KCNK10: variants seen among roughly 807,000 people sequenced by gnomAD.
KCNK10 encodes potassium two pore domain channel subfamily K member 10, also known as potassium channel subfamily K member 10.
KCNK10 carries 25 observed loss-of-function variants against 47.7 expected under a neutral mutation model. The ratio of observed to expected loss-of-function variants is 0.52; its 90% confidence interval spans 0.38 to 0.73. KCNK10 has a LOEUF of 0.73. Among genes scored for constraint, KCNK10 ranks in the 30% least tolerant of loss-of-function variants. KCNK10 has a pLI of 0.00. For missense variants in KCNK10, 563 were observed against 714.5 expected (o/e 0.79, Z 2.42); for synonymous variants, 303 against 285.6 (o/e 1.06, Z -0.61).
chr14:88,214,560 T>C (rs1016393579), intron 4 of KCNK10, among the ~76,000 whole-genome samples: 2 of 152,250 alleles, frequency 1.3e-5, no homozygotes, highest in Non-Finnish European at 2.9e-5. Flanking sequence ...TTACTTTTAA[T>C]GTCCTATAGT....
chr14:88,266,911 T>C (rs886951094), intron 1 of KCNK10, among the ~76,000 whole-genome samples: 7 of 152,204 alleles, frequency 4.6e-5, no homozygotes, highest in South Asian at 2.1e-4. Context: ...CTGGGCAGAA[T>C]TGGGCTTGAG....
In KCNK10 at chr14:88,182,756, C is replaced by A. The variant is rs903897894; in HGVS notation, c.*2779G>T. The A allele has an allele frequency of 3.3e-5, 5 of 152,360 alleles. No homozygotes were observed. The highest frequency in any genetic ancestry group is 1.2e-4 in the African/African-American group (5 of 41,440). The allele number at this position is 152,360 out of a possible 1,614,324, so 9.4% of individuals were successfully genotyped here. On this transcript the variant is annotated 3_prime_UTR_variant, in exon 7 of 7. Transcript: ENST00000319231. ...TCTATGCACATACCAACACATGCAC[C>A]TGTTCCATTTGGTAGAGTATGCAGC...
rs566294677 is a variant in KCNK10, at chr14:88,293,407, AC to A, written c.52+29339del. ...AAAATAATAAAAACCCTCCATTCTT[AC>A]CTATCTCAAGAAATGCTACCACCAT... On this transcript the variant is annotated intron_variant, in intron 1 of 6. Coordinates refer to ENST00000319231, the MANE Select transcript of KCNK10 (RefSeq NM_138317.3). Among the ~76,000 whole-genome samples the A allele has an allele frequency of 2.6e-3, 389 of 152,234 alleles. 1 individual carries two copies. The highest frequency in any genetic ancestry group is 0.01 in the Middle Eastern group (3 of 294).
chr14:88,210,622 T>C (rs1885424119), intron 4 of KCNK10, among the ~76,000 whole-genome samples: 1 of 149,532 alleles, frequency 6.7e-6, no homozygotes, highest in Non-Finnish European at 1.5e-5. Context: ...AGCTGACGAG[T>C]AGGAAGGAAA....
intron 1 of KCNK10, among the ~76,000 whole-genome samples, chr14:88,296,904 A>G (rs1448834970): frequency 6.6e-6 from 1 of 152,268 alleles, no homozygotes. Context: ...GACATTGTCA[A>G]TTACAAAACA....
chr14:88,187,098 A>C (rs115407830), intron 6 of KCNK10, among the ~76,000 whole-genome samples: 3,370 of 152,244 alleles, frequency 0.022, 115 homozygotes, highest in African/African-American at 0.075. Context: ...ACCGGTCTGG[A>C]AATTGCATTG....
In KCNK10 at chr14:88,251,869, C is replaced by A. The variant is rs140026945; in HGVS notation, c.403-11049G>T. Among the ~76,000 whole-genome samples the A allele has an allele frequency of 1.1e-3, 165 of 152,316 alleles. 1 individual carries two copies. The East Asian group carries it at 0.028, about 25-fold the overall frequency. ...CCTCAGCCATGGCATGTTGCTTCCTCCCATCCAGGGCCTTGACTCAGCCCT... is the reference window on the plus strand; with the variant it reads ...CCTCAGCCATGGCATGTTGCTTCCTACCATCCAGGGCCTTGACTCAGCCCT... On this transcript the variant is annotated intron_variant, in intron 2 of 6. Transcript: ENST00000319231.
chr14:88,186,618 C>T lies in KCNK10; in HGVS notation c.1012-463G>A, dbSNP rs1189526307. Among the ~76,000 whole-genome samples, 6 of 152,220 alleles carry T rather than the reference C, an allele frequency of 3.9e-5. No homozygotes were observed. Among genetic ancestry groups the T allele is most frequent in the Non-Finnish European group, 7.3e-5 (5 of 68,034 alleles). The stretch of plus-strand genomic sequence containing the variant: ...GATGTTCAGCAGGCCTTCTGCCCTC[C>T]CTGCCTTTCTGGTTTTCTATCCTGG... On this transcript the variant is annotated intron_variant, in intron 6 of 6. Transcript: ENST00000319231. The surrounding 1 kb of genome is among the most constrained non-coding windows in gnomAD (Gnocchi z 5.5).
At chr14:88,234,989 G>A in intron 3 of KCNK10, 1 of 403,438 alleles carries the variant, frequency 2.5e-6, no homozygotes, top group Non-Finnish European at 5.0e-6. Flanking sequence ...ATAAAGGGGA[G>A]GGTCTCACTC....
intron 1 of KCNK10, among the ~76,000 whole-genome samples, chr14:88,307,495 C>T (rs932590688): frequency 6.6e-6 from 1 of 152,022 alleles, no homozygotes; most frequent in African/African-American, 2.4e-5. Context: ...TATGGAGTTT[C>T]TTTTTGGAGT....
intron 4 of KCNK10, among the ~76,000 whole-genome samples, chr14:88,214,112 T>G (rs1885544406): frequency 6.6e-6 from 1 of 151,906 alleles, no homozygotes; most frequent in Non-Finnish European, 1.5e-5. Context: ...GCTAATTTTG[T>G]ATTTTTAGTA....
chr14:88,190,486 C>T (rs1884709180), intron 5 of KCNK10, among the ~76,000 whole-genome samples: 1 of 152,186 alleles, frequency 6.6e-6, no homozygotes, highest in Admixed American at 6.5e-5. Context: ...CTCAGTTTCT[C>T]TGTACAGTCT....
Position 88,288,067 on chromosome 14 carries a change from T to C in KCNK10, c.53-24516A>G, listed in dbSNP as rs146889378. Among the ~76,000 whole-genome samples, 296 of 152,296 alleles carry C rather than the reference T, an allele frequency of 1.9e-3. 2 individuals carry two copies. Among genetic ancestry groups the C allele is most frequent in the African/African-American group, 6.6e-3 (273 of 41,558 alleles). ...GGGTAAGGCAGTATCGCTTTGTGGT[T>C]TTGATTTGCATCTCCCTTATCATTA... On this transcript the variant is annotated intron_variant, in intron 1 of 6. Transcript: ENST00000319231.
intron 2 of KCNK10, among the ~76,000 whole-genome samples, chr14:88,249,764 T>C (rs951781955): frequency 1.3e-5 from 2 of 152,172 alleles, no homozygotes; most frequent in Admixed American, 6.5e-5. Flanking sequence ...TTTAGAGCAG[T>C]TCCTGTCCAC....
chr14:88,307,690 G>A (rs1159407175), intron 1 of KCNK10, among the ~76,000 whole-genome samples: 1 of 152,190 alleles, frequency 6.6e-6, no homozygotes, highest in African/African-American at 2.4e-5. Context: ...TGGAAGTCAT[G>A]AGCATCTAAG....
chr14:88,283,904 C>A (rs920477255), intron 1 of KCNK10, among the ~76,000 whole-genome samples: 1 of 151,768 alleles, frequency 6.6e-6, no homozygotes, highest in Non-Finnish European at 1.5e-5. Flanking sequence ...CAGAGCGAGA[C>A]TGTCTCAAAA....
chr14:88,218,739 T>A (rs1267467106), intron 4 of KCNK10, among the ~76,000 whole-genome samples: 1 of 152,062 alleles, frequency 6.6e-6, no homozygotes. Context: ...CAGCATCCTA[T>A]CAAGTGATAA....
chr14:88,309,445 T>C (rs1308377688), intron 1 of KCNK10, among the ~76,000 whole-genome samples: 4 of 152,004 alleles, frequency 2.6e-5, no homozygotes, highest in South Asian at 2.1e-4. Context: ...CTACAAAAAA[T>C]GCATAAATTT....
At chr14:88,231,895 G>A (rs1481949798) in intron 3 of KCNK10, among the ~76,000 whole-genome samples, 1 of 152,228 alleles carries the variant, frequency 6.6e-6, no homozygotes, top group Non-Finnish European at 1.5e-5. Flanking sequence ...CTGATACTAA[G>A]GAGTAGCGCT....
Sources: allele counts gnomAD v4.1 joint callset (sites outside exome capture counted in the v4.1 genomes callset), GRCh38; gene constraint gnomAD v4.1.1; non-coding constraint Gnocchi (gnomAD v3.1); transcripts MANE v1.5; gene names NCBI Gene and HGNC (gene_info 2026-07-23, HGNC 2026-07-21).